The following CSMD1 variants were observed in gnomAD, a reference collection of about 807,000 sequenced individuals.
The protein encoded by CSMD1 is CUB and sushi domain-containing protein 1.
CSMD1 carries 213 observed loss-of-function variants against 417.5 expected under a neutral mutation model. The ratio of observed to expected loss-of-function variants is 0.51; its 90% confidence interval spans 0.46 to 0.57. The LOEUF is 0.57. CSMD1 is among the 20% of genes least tolerant of loss of function. The pLI, the probability that CSMD1 is intolerant of heterozygous loss-of-function variation, is 0.00. For synonymous variants in CSMD1, 2,862 were observed against 1,736.8 expected, an observed-to-expected ratio of 1.65 and a Z score of -16.11; for missense variants, 6,923 against 4,529.7, an observed-to-expected ratio of 1.53 and a Z score of -15.17.
chr8:3,317,116 A>T (rs1450037529), intron 23 of CSMD1, among the ~76,000 whole-genome samples: 4 of 152,126 alleles, frequency 2.6e-5, no homozygotes, highest in Non-Finnish European at 5.9e-5. Flanking sequence ...CCAGAGAAAA[A>T]TGCAGCTCAT....
intron 5 of CSMD1, among the ~76,000 whole-genome samples, chr8:3,818,448 T>A (rs375496271): frequency 6.6e-6 from 1 of 152,236 alleles, no homozygotes; most frequent in East Asian, 1.9e-4. Flanking sequence ...TCCTCATGGA[T>A]CAGCTATCCA....
chr8:3,382,466 TTA>T (rs1236032136), intron 18 of CSMD1, among the ~76,000 whole-genome samples: 3 of 139,726 alleles, frequency 2.1e-5, no homozygotes, highest in South Asian at 4.3e-4. Context: ...ATATAATATA[TTA>T]TATATAATCT....
intron 12 of CSMD1, among the ~76,000 whole-genome samples, chr8:3,437,422 G>C (rs927980443): frequency 6.6e-6 from 1 of 152,126 alleles, no homozygotes; most frequent in Non-Finnish European, 1.5e-5. Flanking sequence ...CCTAAAGGCT[G>C]AATTAAATGG....
intron 17 of CSMD1, among the ~76,000 whole-genome samples, chr8:3,390,315 G>A (rs760562062): frequency 6.8e-4 from 87 of 128,082 alleles, no homozygotes; most frequent in Non-Finnish European, 3.6e-4. Context: ...AGGTTGTGCC[G>A]TTGCATTCCA....
intron 2 of CSMD1, among the ~76,000 whole-genome samples, chr8:4,597,334 A>G (rs551733762): frequency 8.5e-5 from 13 of 152,178 alleles, no homozygotes; most frequent in Non-Finnish European, 1.6e-4. Flanking sequence ...TCAAATAAGC[A>G]GGAGAGATGG....
intron 1 of CSMD1, among the ~76,000 whole-genome samples, chr8:4,902,940 AT>A (rs1440921999): frequency 2.0e-5 from 3 of 150,416 alleles, no homozygotes; most frequent in African/African-American, 7.3e-5. Flanking sequence ...AGCACATTTC[AT>A]TTTATATATA....
At chr8:3,474,180 C>T (rs112055172) in intron 11 of CSMD1, among the ~76,000 whole-genome samples, 5 of 152,052 alleles carry the variant, frequency 3.3e-5, no homozygotes, top group African/African-American at 4.8e-5. Flanking sequence ...TCCCACATCC[C>T]AAAGCTGTGC....
intron 3 of CSMD1, among the ~76,000 whole-genome samples, chr8:4,174,152 C>A (rs148234825): frequency 5.3e-5 from 8 of 152,220 alleles, no homozygotes; most frequent in South Asian, 2.1e-4. Flanking sequence ...ACCAAAGGCT[C>A]GTGGCTGCCC....
At chr8:3,550,206 C>A (rs961600483) in intron 10 of CSMD1, among the ~76,000 whole-genome samples, 1 of 152,186 alleles carries the variant, frequency 6.6e-6, no homozygotes, top group Non-Finnish European at 1.5e-5. Flanking sequence ...AGCCCATCAG[C>A]AGGCATTCCA....
chr8:4,553,239 C>T (rs1797947864), intron 2 of CSMD1, among the ~76,000 whole-genome samples: 1 of 152,178 alleles, frequency 6.6e-6, no homozygotes, highest in African/African-American at 2.4e-5. Context: ...GGACAGTCTG[C>T]AACCATCATA....
chr8:4,930,116 G>C (rs1214874841), intron 1 of CSMD1, among the ~76,000 whole-genome samples: 1 of 152,154 alleles, frequency 6.6e-6, no homozygotes, highest in African/African-American at 2.4e-5. Flanking sequence ...GTTTTTGTGT[G>C]ACCTTACATC....
intron 2 of CSMD1, among the ~76,000 whole-genome samples, chr8:4,439,319 T>G (rs2129662043): frequency 6.6e-6 from 1 of 152,304 alleles, no homozygotes; most frequent in South Asian, 2.1e-4. Context: ...TGGTAATCAA[T>G]ACGTTAAATA....
At chr8:3,596,729 G>C (rs1465273605) in intron 8 of CSMD1, among the ~76,000 whole-genome samples, 1 of 152,100 alleles carries the variant, frequency 6.6e-6, no homozygotes, top group African/African-American at 2.4e-5. Flanking sequence ...CAAGAGCCAG[G>C]AGGGTGGGCA....
At chr8:3,149,149 G>A (rs1032463330) in intron 40 of CSMD1, among the ~76,000 whole-genome samples, 2 of 151,944 alleles carry the variant, frequency 1.3e-5, no homozygotes, top group Admixed American at 6.6e-5. Context: ...AGACAATTTG[G>A]TTTCATTGAA....
At chr8:4,224,760 C>T (rs752897251) in intron 3 of CSMD1, among the ~76,000 whole-genome samples, 37 of 152,148 alleles carry the variant, frequency 2.4e-4, no homozygotes, top group Non-Finnish European at 4.1e-4. Flanking sequence ...ATAGTATTAA[C>T]CTGTAGTACT....
At chr8:3,532,337 C>G (rs1268818349) in intron 10 of CSMD1, among the ~76,000 whole-genome samples, 1 of 152,122 alleles carries the variant, frequency 6.6e-6, no homozygotes, top group East Asian at 1.9e-4. Flanking sequence ...TTAAGAATCT[C>G]CTGGCTATTG....
At chr8:4,753,474 G>A (rs1585045620) in intron 1 of CSMD1, among the ~76,000 whole-genome samples, 1 of 150,414 alleles carries the variant, frequency 6.6e-6, no homozygotes, top group African/African-American at 2.5e-5. Context: ...TGTGTCTTAT[G>A]AATTTTCCCC....
At chr8:3,939,390 G>C (rs1008340668) in intron 5 of CSMD1, among the ~76,000 whole-genome samples, 3 of 152,082 alleles carry the variant, frequency 2.0e-5, no homozygotes, top group African/African-American at 4.8e-5. Context: ...GGTGAAAAGG[G>C]AACACTTTTA....
intron 49 of CSMD1, among the ~76,000 whole-genome samples, chr8:3,083,631 TATATATATA>T: frequency 3.0e-5 from 1 of 33,346 alleles, no homozygotes; most frequent in Admixed American, 4.4e-4. Context: ...TATATATATA[TATATATATA>T]TATATATATT....
Sources: gnomAD v4.1 joint callset for allele counts (sites outside exome capture counted in the v4.1 genomes callset) on GRCh38, gnomAD v4.1.1 for gene constraint, MANE v1.5 for transcripts, NCBI Gene and HGNC (gene_info 2026-07-23, HGNC 2026-07-21) for gene names.